ANO1: variants seen among roughly 807,000 people sequenced by gnomAD.
ANO1 encodes the protein anoctamin-1.
A neutral mutation model predicts 124.0 loss-of-function variants in ANO1; 59 were observed. The ratio of observed to expected loss-of-function variants is 0.48; its 90% confidence interval spans 0.39 to 0.59. The LOEUF (loss-of-function observed/expected upper bound fraction) is 0.59, where lower values mean the gene tolerates loss of function less well. Among genes scored for constraint, ANO1 ranks in the 20% least tolerant of loss-of-function variants. The probability of loss-of-function intolerance (pLI) is 0.00; values close to 1 mark genes in which losing one functional copy is unlikely to be tolerated. For synonymous variants in ANO1, 529 were observed against 532.0 expected (o/e 0.99, Z 0.08); for missense variants, 1,059 against 1,328.0 (o/e 0.80, Z 3.15).
At chr11:70,076,780 C>T, upstream of ANO1, among the ~76,000 whole-genome samples, 1 of 152,222 alleles carries the variant, frequency 6.6e-6, no homozygotes, top group East Asian at 1.9e-4. Context: ...ACCAAATAGC[C>T]TTCCTGCACC....
intron 5 of ANO1, chr11:70,108,059 C>T (rs570952939): frequency 2.4e-6 from 1 of 413,888 alleles, no homozygotes; most frequent in Non-Finnish European, 4.4e-6. Flanking sequence ...CCCAGGAGGG[C>T]ACGGCAGTGC....
intron 8 of ANO1, among the ~76,000 whole-genome samples, chr11:70,118,227 C>T (rs2046074579): frequency 6.6e-6 from 1 of 152,044 alleles, no homozygotes; most frequent in South Asian, 2.1e-4. Flanking sequence ...ATTCTCCAGC[C>T]ACACTGGCTG....
intron 1 of ANO1, among the ~76,000 whole-genome samples, chr11:70,048,560 GTCTC>G (rs776390662): frequency 6.6e-6 from 1 of 151,768 alleles, no homozygotes; most frequent in Non-Finnish European, 1.5e-5. Flanking sequence ...GGATGTCTCT[GTCTC>G]TCTCTCTTCC....
intron 1 of ANO1, among the ~76,000 whole-genome samples, chr11:70,063,258 A>G (rs1857636402): frequency 6.6e-6 from 1 of 152,164 alleles, no homozygotes; most frequent in Non-Finnish European, 1.5e-5. Flanking sequence ...TTTGTTGAAT[A>G]AAGAGCAGGG....
intron 11 of ANO1, among the ~76,000 whole-genome samples, chr11:70,133,978 C>G (rs954809398): frequency 2.0e-5 from 3 of 152,250 alleles, no homozygotes; most frequent in African/African-American, 7.2e-5. Flanking sequence ...GCCGCCAGCT[C>G]TGAGCATGGG....
intron 3 of ANO1, 117 bp from the exon 4 acceptor site, chr11:70,103,882 C>A: frequency 8.6e-7 from 1 of 1,165,272 alleles, no homozygotes; most frequent in Non-Finnish European, 1.2e-6. Context: ...AGGTGCTCTG[C>A]TCTCAGGACG....
intron 10 of ANO1, among the ~76,000 whole-genome samples, chr11:70,127,453 T>C (rs2046569002): frequency 6.6e-6 from 1 of 152,140 alleles, no homozygotes; most frequent in Non-Finnish European, 1.5e-5. Flanking sequence ...ATGTCAGACG[T>C]CAGGGAGCTC....
intron 22 of ANO1, 60 bp from the exon 23 acceptor site, chr11:70,179,944 G>T: frequency 1.3e-6 from 2 of 1,510,512 alleles, no homozygotes; most frequent in South Asian, 2.3e-5. Context: ...ACTGCTGCCT[G>T]GTAGCTGGAA....
rs188248116 is a variant in ANO1 at position 70,093,889 on chromosome 11, C to T, written c.441+5805C>T. 4.1e-3 allele frequency among the ~76,000 whole-genome samples: 632 copies of T among 152,378 alleles called. 2 individuals carry two copies. Among genetic ancestry groups the T allele is most frequent in the Middle Eastern group, 0.024 (7 of 294 alleles). ...CTCCGAGTGCGGGTTCAGACCCCGC[C>T]CAGCCCCTCTGAGAGCCCGGTATGC... On this transcript the variant is annotated intron_variant, in intron 2 of 25. Coordinates refer to ENST00000355303, the MANE Select transcript of ANO1 (RefSeq NM_018043.7).
intron 11 of ANO1, among the ~76,000 whole-genome samples, chr11:70,134,499 G>A (rs1171322627): frequency 2.6e-5 from 4 of 152,306 alleles, no homozygotes; most frequent in Middle Eastern, 3.4e-3. Context: ...GATCAGAGGC[G>A]ACGGACATGA....
At chr11:70,173,784 C>T (rs530752121) in intron 22 of ANO1, among the ~76,000 whole-genome samples, 29 of 152,262 alleles carry the variant, frequency 1.9e-4, no homozygotes, top group Non-Finnish European at 7.3e-5. Context: ...GGCGCAGTGG[C>T]TCACGCCTGT....
chr11:70,062,832 G>T (rs770914131), intron 1 of ANO1, among the ~76,000 whole-genome samples: 2 of 152,212 alleles, frequency 1.3e-5, no homozygotes, highest in Non-Finnish European at 2.9e-5. Flanking sequence ...CGAGCACTCT[G>T]TAAATATTGG....
At chr11:70,001,588 G>A (rs1487827479) in intron 1 of ANO1, among the ~76,000 whole-genome samples, 3 of 152,168 alleles carry the variant, frequency 2.0e-5, no homozygotes, top group African/African-American at 7.2e-5. Flanking sequence ...AAGGGTACAT[G>A]ATCCCGTTTC....
rs761085879 is a variant in ANO1, at chr11:70,165,576, T to G, written c.2051+6T>G. 1 of 1,607,964 alleles carries G rather than the reference T, an allele frequency of 6.2e-7. No individual in the cohort carries two copies. The highest frequency in any genetic ancestry group is 2.2e-5 in the East Asian group (1 of 44,656). ...CTGTTCGAGATCGGCATCCCGTGAG[T>G]GTGCTGCAGCGGGTTAGAGCGGCAG... On this transcript the variant is annotated splice_donor_region_variant and intron_variant, in intron 20 of 25. Coordinates refer to ENST00000355303, the MANE Select transcript of ANO1 (RefSeq NM_018043.7).
intron 1 of ANO1, among the ~76,000 whole-genome samples, chr11:70,049,224 T>C (rs2135076941): frequency 6.6e-6 from 1 of 152,270 alleles, no homozygotes; most frequent in South Asian, 2.1e-4. Flanking sequence ...CGCTTCTCAA[T>C]GCTCCCAAGT....
the ANO1 span, among the ~76,000 whole-genome samples, chr11:69,970,902 C>T: frequency 1.1e-4 from 17 of 152,160 alleles, no homozygotes; most frequent in Admixed American, 3.3e-4. Context: ...ATCACATATG[C>T]GTTCCAGCCA....
chr11:70,150,625 C>T (rs937700448), intron 12 of ANO1, among the ~76,000 whole-genome samples: 57 of 152,204 alleles, frequency 3.7e-4, no homozygotes, highest in African/African-American at 1.3e-3. Context: ...GCCTTGACCT[C>T]CCGGGCTCAA....
At chr11:70,077,942 G>A (rs147216318), upstream of ANO1, among the ~76,000 whole-genome samples, 39 of 152,270 alleles carry the variant, frequency 2.6e-4, no homozygotes, top group African/African-American at 9.1e-4. Context: ...AAGCTCCCCG[G>A]AGGAGGTGAG....
rs1311244867 is a variant in ANO1 at position 70,035,558 on chromosome 11, T to C, written c.59-42984T>C. Among the ~76,000 whole-genome samples, 6 of 148,222 alleles carry C rather than the reference T, an allele frequency of 4.0e-5. No homozygotes were observed. In the East Asian group the frequency reaches 9.4e-4, roughly 23 times the overall value. ...TATATACTTTAAGTTCTGGGATACA[T>C]ATGCAGAACGTGCAGGTTTGTTACA... On this transcript the variant is annotated intron_variant, in intron 1 of 27. Coordinates refer to the ANO1 transcript ENST00000531349.
Sources: allele counts gnomAD v4.1 joint callset (sites outside exome capture counted in the v4.1 genomes callset), GRCh38; gene constraint gnomAD v4.1.1; transcripts MANE v1.5; gene names NCBI Gene and HGNC (gene_info 2026-07-23, HGNC 2026-07-21).